Variants in ASMTL observed in about 807,000 individuals in gnomAD.
ASMTL encodes the protein acetylserotonin O-methyltransferase like, also known as probable bifunctional dTTP/UTP pyrophosphatase/methyltransferase protein.
A neutral mutation model predicts 60.3 loss-of-function variants in ASMTL; 57 were observed. The ratio of observed to expected loss-of-function variants is 0.95; its 90% CI spans 0.76 to 1.18. The LOEUF (loss-of-function observed/expected upper bound fraction) is 1.18, where lower values mean the gene tolerates loss of function less well. Ranked by LOEUF, ASMTL falls within the 50% of genes most tolerant of loss-of-function variation. ASMTL has a pLI of 0.00. For synonymous variants in ASMTL, 419 were observed against 373.0 expected (o/e 1.12, Z -1.42); for missense variants, 981 against 852.6 (o/e 1.15, Z -1.88).
Position 1,415,236 on chromosome X carries a change from G to C in ASMTL, c.1523-2382C>G, listed in dbSNP as rs749027068. Among the ~76,000 whole-genome samples the C allele has an allele frequency of 4.4e-4, 3 of 6,792 alleles. No individual in the cohort carries two copies. The East Asian group carries it at 0.047, about 106-fold the overall frequency. 4.5% of individuals were successfully genotyped at this position (6,792 alleles called of 152,430 possible). A position where few individuals can be genotyped will look rare whatever the true frequency, so the allele number is the denominator to read the frequency against. ...GATTCCAGGCGTCTCCTGTCAATCCGTCCTGGCCTCAGCAGCTGCCACCTG... is the reference window on the plus strand; with the variant it reads ...GATTCCAGGCGTCTCCTGTCAATCCCTCCTGGCCTCAGCAGCTGCCACCTG... On this transcript the variant is annotated intron_variant, in intron 11 of 12. Coordinates refer to ENST00000381317, the MANE Select transcript of ASMTL (RefSeq NM_004192.4).
intron 1 of ASMTL, among the ~76,000 whole-genome samples, chrX:1,448,143 C>G (rs758890346): frequency 1.3e-4 from 19 of 143,860 alleles, no homozygotes; most frequent in African/African-American, 4.6e-4. Flanking sequence ...GGACACACAC[C>G]GCCATCTTGG....
chrX:1,442,521 G>T (rs1273219944), intron 1 of ASMTL: 3 of 175,922 alleles, frequency 1.7e-5, no homozygotes, highest in Non-Finnish European at 3.3e-5. Flanking sequence ...GTGGTTAGTG[G>T]GCCGCGGACT....
In ASMTL at chrX:1,432,265, T is replaced by G; in HGVS notation, c.509+4A>C. On this transcript the variant is annotated splice_donor_region_variant and intron_variant, in intron 6 of 12. Transcript: ENST00000381317. ...CCCGTCCCCCCACCGCCCCCGAGAC[T>G]CACATGGGCTCCCCGCTGTGGACGT... The G allele has an allele frequency of 2.1e-6, 3 of 1,457,306 alleles. No individual in the cohort carries two copies. Among genetic ancestry groups the G allele is most frequent in the African/African-American group, 1.4e-5 (1 of 71,456 alleles). 90.3% of individuals were successfully genotyped at this position (1,457,306 alleles called of 1,614,324 possible).
At chrX:1,434,396 G>A (rs1197526805) in intron 5 of ASMTL, among the ~76,000 whole-genome samples, 8 of 151,820 alleles carry the variant, frequency 5.3e-5, no homozygotes, top group Non-Finnish European at 7.4e-5. Flanking sequence ...GGGCTGAGGC[G>A]GGAGGATCGC....
intron 1 of ASMTL, among the ~76,000 whole-genome samples, chrX:1,446,500 A>AT (rs533497088): frequency 0.77 from 101,418 of 131,650 alleles, 39,471 homozygotes; most frequent in East Asian, 0.93. Flanking sequence ...ATCTCATGAC[A>AT]TTTTTTTTTT....
chrX:1,438,989 G>C (rs2091042335), intron 3 of ASMTL, 108 bp downstream of exon 3: 1 of 1,215,174 alleles, frequency 8.2e-7, no homozygotes. Context: ...CTGGAAGCGA[G>C]TCCACTGCTG....
chrX:1,414,926 A>G (rs1483182366), intron 11 of ASMTL, among the ~76,000 whole-genome samples: 4 of 120,348 alleles, frequency 3.3e-5, no homozygotes, highest in Admixed American at 9.6e-5. Flanking sequence ...ACAGCACGTC[A>G]GCTGTCTCTT....
At chrX:1,449,781 ATC>A (rs2091312336) in intron 1 of ASMTL, among the ~76,000 whole-genome samples, 1 of 135,894 alleles carries the variant, frequency 7.4e-6, no homozygotes, top group Non-Finnish European at 1.5e-5. Flanking sequence ...ACCAGTAACT[ATC>A]CCCCCATCAC....
In ASMTL at chrX:1,403,443, C is replaced by A. The variant is rs1556651587; in HGVS notation, c.1692G>T (p.Arg564Ser). ...ACTGCATCAGGGCGCGCTGCGCCAC[C>A]CTCTTCTCCTCATCCAGGAGCGTCT... ...LVETLLDEEK[R>S]VAQRALMQSL... The change falls in exon 13 of 13, where the codon AGG (arginine) becomes AGT (serine). Residue 564 changes from arginine (R) to serine (S), a missense_variant. Arg to Ser is a moderately radical substitution (Grantham distance 110, BLOSUM62 -1). Coordinates refer to ENST00000381317, the MANE Select transcript of ASMTL (RefSeq NM_004192.4). 2.0e-5 allele frequency: 33 copies of A among 1,613,122 alleles called. No individual in the cohort carries two copies. The highest frequency in any genetic ancestry group is 2.7e-5 in the Non-Finnish European group (32 of 1,179,876).
At chrX:1,417,509 A>G (rs2090332023) in intron 11 of ASMTL, among the ~76,000 whole-genome samples, 1 of 76,894 alleles carries the variant, frequency 1.3e-5, no homozygotes, top group Non-Finnish European at 3.4e-5. Context: ...GCACACAGAT[A>G]CAGACACAGA....
intron 12 of ASMTL, among the ~76,000 whole-genome samples, chrX:1,404,687 T>C (rs1412894843): frequency 7.9e-5 from 2 of 25,390 alleles, no homozygotes; most frequent in Non-Finnish European, 1.2e-4. Context: ...AGATGATGGG[T>C]AGGTAGATGA....
chrX:1,439,537 C>T (rs1422538943), intron 2 of ASMTL, among the ~76,000 whole-genome samples: 1 of 152,132 alleles, frequency 6.6e-6, no homozygotes, highest in East Asian at 1.9e-4. Flanking sequence ...TTGATCCGTT[C>T]AATGTAATTT....
intron 11 of ASMTL, among the ~76,000 whole-genome samples, chrX:1,416,655 CACAG>C (rs1350398938): frequency 2.6e-5 from 4 of 151,794 alleles, no homozygotes; most frequent in Non-Finnish European, 4.4e-5. Flanking sequence ...AAGCACACAC[CACAG>C]AGAGTTGCAC....
intron 7 of ASMTL, among the ~76,000 whole-genome samples, chrX:1,426,347 T>C (rs1839464685): frequency 6.6e-6 from 1 of 152,088 alleles, no homozygotes; most frequent in African/African-American, 2.4e-5. Context: ...CCACCTTTAT[T>C]CCTTATTCAC....
chrX:1,438,407 C>A (rs1308034770), intron 3 of ASMTL, among the ~76,000 whole-genome samples: 1 of 152,212 alleles, frequency 6.6e-6, no homozygotes, highest in Admixed American at 6.5e-5. Context: ...TTGCCAACAG[C>A]CTCTAGGAGC....
chrX:1,452,102 A>C (rs2091407594), intron 1 of ASMTL, among the ~76,000 whole-genome samples: 9 of 104,040 alleles, frequency 8.7e-5, no homozygotes, highest in African/African-American at 1.9e-4. Context: ...CCCCTCCCCC[A>C]TCCCTAGGGG....
chrX:1,447,245 T>G (rs1268437262), intron 1 of ASMTL, among the ~76,000 whole-genome samples: 1 of 152,216 alleles, frequency 6.6e-6, no homozygotes, highest in Non-Finnish European at 1.5e-5. Context: ...AGGGTCTGGA[T>G]TCACAGAGCA....
At chrX:1,447,839 T>C (rs2091262221) in intron 1 of ASMTL, among the ~76,000 whole-genome samples, 2 of 151,180 alleles carry the variant, frequency 1.3e-5, no homozygotes, top group African/African-American at 4.9e-5. Context: ...AGCACTACCA[T>C]CTTGGACACA....
chrX:1,414,878 T>C (rs5025698), intron 11 of ASMTL, among the ~76,000 whole-genome samples: 107,539 of 151,758 alleles, frequency 0.71, 38,310 homozygotes, highest in South Asian at 0.85. Flanking sequence ...CCAGCACCTG[T>C]GCCCACAGGC....
Sources: gnomAD v4.1 joint callset for allele counts (sites outside exome capture counted in the v4.1 genomes callset) on GRCh38, gnomAD v4.1.1 for gene constraint, MANE v1.5 for transcripts, NCBI Gene and HGNC (gene_info 2026-07-23, HGNC 2026-07-21) for gene names.